The following ADGRV1 variants were observed in gnomAD, a reference collection of about 807,000 sequenced individuals.
ADGRV1 encodes adhesion G protein-coupled receptor V1.
A neutral mutation model predicts 596.2 loss-of-function variants in ADGRV1; 359 were observed. The observed-to-expected ratio is 0.60, with a 90% CI of 0.55 to 0.66. ADGRV1 has a LOEUF of 0.66. Ranked by LOEUF, ADGRV1 falls within the 30% of genes least tolerant of loss-of-function variation. ADGRV1 has a pLI of 0.00. For missense variants in ADGRV1, 7,274 were observed against 7,575.6 expected (o/e 0.96, Z 1.48); for synonymous variants, 2,681 against 2,679.2 (o/e 1.00, Z -0.02).
chr5:90,905,710 G>A (rs1180661228), intron 83 of ADGRV1, among the ~76,000 whole-genome samples: 1 of 151,882 alleles, frequency 6.6e-6, no homozygotes, highest in East Asian at 1.9e-4. Flanking sequence ...TTCCAGTTTG[G>A]ATGCCCTTTA....
At chr5:90,639,997 C>G (rs188521259) in intron 11 of ADGRV1, among the ~76,000 whole-genome samples, 10 of 152,220 alleles carry the variant, frequency 6.6e-5, no homozygotes, top group East Asian at 5.8e-4. Context: ...AAAAGTTGCC[C>G]TGATACTAAA....
At chr5:91,093,555 A>G (rs942522822) in intron 86 of ADGRV1, among the ~76,000 whole-genome samples, 7 of 152,238 alleles carry the variant, frequency 4.6e-5, no homozygotes, top group African/African-American at 1.7e-4. Flanking sequence ...GAATATAAAG[A>G]TAAGTAAGAT....
chr5:90,997,252 G>A (rs945606766), intron 85 of ADGRV1, among the ~76,000 whole-genome samples: 15 of 152,214 alleles, frequency 9.9e-5, no homozygotes, highest in South Asian at 6.2e-4. Flanking sequence ...GGGGCCTAGC[G>A]GGAGGTGATT....
At chr5:90,582,528 T>C (rs1758203967) in intron 1 of ADGRV1, among the ~76,000 whole-genome samples, 1 of 152,188 alleles carries the variant, frequency 6.6e-6, no homozygotes, top group Non-Finnish European at 1.5e-5. Flanking sequence ...GTCTTTTTAA[T>C]TTTCTGTTAT....
At chr5:91,087,550 C>T (rs183460640) in intron 86 of ADGRV1, among the ~76,000 whole-genome samples, 67 of 152,188 alleles carry the variant, frequency 4.4e-4, no homozygotes, top group African/African-American at 1.6e-3. Context: ...GATCCACCTG[C>T]CTCGGCCTCC....
intron 85 of ADGRV1, among the ~76,000 whole-genome samples, chr5:90,994,145 C>T (rs147368261): frequency 1.2e-3 from 183 of 152,052 alleles, no homozygotes; most frequent in African/African-American, 3.9e-3. Context: ...TCACTACAAC[C>T]TCTGCCTCCC....
chr5:90,776,699 G>A (rs1758279482), intron 61 of ADGRV1, 123 bp downstream of exon 61: 10 of 1,085,956 alleles, frequency 9.2e-6, no homozygotes, highest in Non-Finnish European at 1.4e-5. Flanking sequence ...TCTATATACT[G>A]TTAACATCCT....
At chr5:91,094,730 C>T (rs761147874) in intron 86 of ADGRV1, among the ~76,000 whole-genome samples, 1 of 152,030 alleles carries the variant, frequency 6.6e-6, no homozygotes, top group Non-Finnish European at 1.5e-5. Context: ...GATACCAGTA[C>T]TCAGGAGGAG....
Position 90,716,503 on chromosome 5 carries a change from G to C in ADGRV1, c.9221G>C (p.Gly3074Ala), listed in dbSNP as rs532700419. ...GTCCTTGCTAATGATGACGGCCCTG[G>C]AGTTCTATCATTTAACAACAGTGAG... The part of the protein sequence containing the change: ...IIVLANDDGP[G>A]VLSFNNSEHF... Residue 3074 changes from glycine to alanine, a missense_variant, in exon 43 of 90, where the codon GGA becomes GCA. Coordinates refer to ENST00000405460, the MANE Select transcript of ADGRV1 (RefSeq NM_032119.4). 6.2e-7 allele frequency: 1 copy of C among 1,606,218 alleles called. No individual in the cohort carries two copies. The highest frequency in any genetic ancestry group is 1.1e-5 in the South Asian group (1 of 89,252).
chr5:91,094,334 G>A lies in ADGRV1; in HGVS notation c.18311-7885G>A, dbSNP rs189196511. ...ATTAGCTGGGCGTGGTGGTGGGCAC[G>A]TGTCATCCCAGCTACTCGGGAGACT... On this transcript the variant is annotated intron_variant, in intron 86 of 89. Transcript: ENST00000405460. Among the ~76,000 whole-genome samples, 255 of 151,828 alleles carry A rather than the reference G, an allele frequency of 1.7e-3. 1 individual carries two copies. Among genetic ancestry groups the A allele is most frequent in the East Asian group, 7.5e-3 (38 of 5,070 alleles).
chr5:90,994,793 A>G (rs1316806743), intron 85 of ADGRV1, among the ~76,000 whole-genome samples: 1 of 152,234 alleles, frequency 6.6e-6, no homozygotes, highest in Non-Finnish European at 1.5e-5. Context: ...ACACGTGGCC[A>G]CTGACATCTC....
At chr5:91,065,936 T>A (rs927349662) in intron 85 of ADGRV1, among the ~76,000 whole-genome samples, 1 of 152,180 alleles carries the variant, frequency 6.6e-6, no homozygotes. Context: ...AGAAAATCTA[T>A]CCATGAAAGT....
chr5:91,150,645 T>C (rs376906927), intron 88 of ADGRV1, among the ~76,000 whole-genome samples: 1 of 152,214 alleles, frequency 6.6e-6, no homozygotes, highest in South Asian at 2.1e-4. Flanking sequence ...CCTCCACCCA[T>C]TCCAACTCAC....
Position 90,759,603 on chromosome 5 carries a change from T to A in ADGRV1, c.12120+15T>A. 6.2e-7 allele frequency: 1 copy of A among 1,604,534 alleles called. No homozygotes were observed. Among genetic ancestry groups the A allele is most frequent in the South Asian group, 1.1e-5 (1 of 90,554 alleles). ...AAGAAAAGACTGTAAGTTAAACATATCAGGGGAAAGCCTTGTTTCAGGCTA... is the reference window on the plus strand; with the variant it reads ...AAGAAAAGACTGTAAGTTAAACATAACAGGGGAAAGCCTTGTTTCAGGCTA... On this transcript the variant is annotated intron_variant, in intron 58 of 89. Transcript: ENST00000405460.
At chr5:91,110,276 C>T (rs965583075) in intron 87 of ADGRV1, among the ~76,000 whole-genome samples, 1 of 152,114 alleles carries the variant, frequency 6.6e-6, no homozygotes, top group Non-Finnish European at 1.5e-5. Context: ...TTATACTCAG[C>T]TGGTAGGCCC....
chr5:90,845,941 A>G (rs567619989), intron 78 of ADGRV1, among the ~76,000 whole-genome samples: 158 of 152,310 alleles, frequency 1.0e-3, no homozygotes, highest in Non-Finnish European at 9.7e-4. Flanking sequence ...TTGCATTGCT[A>G]AATTTTTATT....
intron 83 of ADGRV1, among the ~76,000 whole-genome samples, chr5:90,959,291 T>C (rs1777765994): frequency 1.3e-5 from 2 of 152,008 alleles, no homozygotes; most frequent in African/African-American, 4.8e-5. Context: ...TTTTTTTTAA[T>C]GTGTGAAGGA....
At position 91,035,859 on chromosome 5, in the gene ADGRV1, T is replaced by TA. The variant is rs1562121624; in HGVS notation, c.18153-36587dup. Among the ~76,000 whole-genome samples the TA allele has an allele frequency of 5.9e-3, 258 of 43,872 alleles. 5 individuals carry two copies. In the East Asian group the frequency reaches 0.077, roughly 13 times the overall value. 28.8% of individuals were successfully genotyped at this position (43,872 alleles called of 152,430 possible). On this transcript the variant is annotated intron_variant, in intron 85 of 89. Transcript: ENST00000405460. ...AAATGAGTGTGTATATATATATATA[T>TA]ATTATATATATATATATATATATCT...
At chr5:90,657,763 T>C (rs1307512013) in intron 20 of ADGRV1, 142 bp from the exon 21 acceptor site, 2 of 649,120 alleles carry the variant, frequency 3.1e-6, no homozygotes, top group Non-Finnish European at 4.8e-6. Flanking sequence ...TAATATCCAA[T>C]TCATTGTATA....
Sources: allele counts gnomAD v4.1 joint callset (sites outside exome capture counted in the v4.1 genomes callset), GRCh38; gene constraint gnomAD v4.1.1; transcripts MANE v1.5; gene names NCBI Gene and HGNC (gene_info 2026-07-23, HGNC 2026-07-21).